The following UBXN4 variants were observed in gnomAD, a reference collection of about 807,000 sequenced individuals.
UBXN4 encodes UBX domain-containing protein 4.
UBXN4 carries 35 observed loss-of-function variants against 66.2 expected under a neutral mutation model. That is an observed-to-expected ratio of 0.53 (90% CI 0.40 to 0.70). UBXN4 has a LOEUF of 0.70. Among genes scored for constraint, UBXN4 ranks in the 30% least tolerant of loss-of-function variants. The pLI is 0.00. For synonymous variants in UBXN4, 203 were observed against 204.5 expected, an observed-to-expected ratio of 0.99 and a Z score of 0.06; for missense variants, 533 against 599.8, an observed-to-expected ratio of 0.89 and a Z score of 1.16.
At chr2:135,764,842 G>A (rs2077337725) in intron 6 of UBXN4, among the ~76,000 whole-genome samples, 1 of 148,968 alleles carries the variant, frequency 6.7e-6, no homozygotes, top group East Asian at 2.0e-4. Context: ...TTGAGATGAA[G>A]TCTGGCTCTG....
intron 9 of UBXN4, 79 bp downstream of exon 9, chr2:135,772,626 T>C: frequency 6.4e-7 from 1 of 1,567,908 alleles, no homozygotes; most frequent in South Asian, 1.1e-5. Flanking sequence ...TTAACACTGA[T>C]GTATACTGTG....
At chr2:135,764,668 A>C (rs920064642) in intron 6 of UBXN4, among the ~76,000 whole-genome samples, 2 of 152,028 alleles carry the variant, frequency 1.3e-5, no homozygotes, top group South Asian at 2.1e-4. Flanking sequence ...ACACCCGGCT[A>C]ATTTTTAAAA....
intron 6 of UBXN4, among the ~76,000 whole-genome samples, chr2:135,765,248 C>T (rs1482121486): frequency 1.3e-5 from 2 of 149,424 alleles, no homozygotes; most frequent in Middle Eastern, 3.2e-3. Context: ...TTGCTCTTGT[C>T]GCCCAAGCTG....
intron 6 of UBXN4, among the ~76,000 whole-genome samples, chr2:135,765,843 G>A (rs1338529033): frequency 6.6e-6 from 1 of 151,824 alleles, no homozygotes; most frequent in Non-Finnish European, 1.5e-5. Flanking sequence ...ACCCAAGCAG[G>A]CATAGTGACC....
chr2:135,778,195 A>AAAACCCAAAAAACAAAAAT (rs2077429893), intron 10 of UBXN4, among the ~76,000 whole-genome samples: 1 of 151,774 alleles, frequency 6.6e-6, no homozygotes, highest in Non-Finnish European at 1.5e-5. Flanking sequence ...AAAACAAAAA[A>AAAACCCAAAAAACAAAAAT]AAACCCAAAA....
chr2:135,770,521 T>C, intron 7 of UBXN4, 50 bp from the exon 8 acceptor site: 1 of 1,244,422 alleles, frequency 8.0e-7, no homozygotes, highest in Non-Finnish European at 1.1e-6. Context: ...AAATAATATC[T>C]GGGGCAGATT....
At position 135,747,728 on chromosome 2, in the gene UBXN4, G is replaced by A. The variant is rs559050111; in HGVS notation, c.83-539G>A. 464 of 455,746 alleles carry A rather than the reference G, an allele frequency of 1.0e-3. 1 individual carries two copies. The highest frequency in any genetic ancestry group is 8.6e-3 in the African/African-American group (431 of 50,126). The allele number at this position is 455,746 out of a possible 1,614,324, so 28.2% of individuals were successfully genotyped here. Reference sequence around the variant, plus strand: ...CCGCTCACTGCAACTTCCACCTTCCGAGTGCAAGCAATTCTCCTGCCTCAG... The same window carrying A: ...CCGCTCACTGCAACTTCCACCTTCCAAGTGCAAGCAATTCTCCTGCCTCAG... On this transcript the variant is annotated intron_variant, in intron 1 of 12. Transcript: ENST00000272638.
At chr2:135,782,252 T>C (rs1273512177) in intron 12 of UBXN4, among the ~76,000 whole-genome samples, 1 of 152,246 alleles carries the variant, frequency 6.6e-6, no homozygotes, top group Non-Finnish European at 1.5e-5. Context: ...TTTATCCTTA[T>C]ACCTTTGTAT....
Position 135,749,044 on chromosome 2 carries a change from A to G in UBXN4, c.185+675A>G, listed in dbSNP as rs187382810. On this transcript the variant is annotated intron_variant, in intron 2 of 12. Transcript: ENST00000272638. Reference sequence around the variant, plus strand: ...GCGAGAGAGCAAGACTATCTCAAAAAAAAAAAAAGAATGTTTATGCTATGT... The same window carrying G: ...GCGAGAGAGCAAGACTATCTCAAAAGAAAAAAAAGAATGTTTATGCTATGT... 1.1e-4 allele frequency among the ~76,000 whole-genome samples: 16 copies of G among 152,252 alleles called. No individual in the cohort carries two copies. The East Asian group carries it at 2.3e-3, about 22-fold the overall frequency.
At chr2:135,773,057 AAG>A (rs2077393357) in intron 9 of UBXN4, among the ~76,000 whole-genome samples, 1 of 151,646 alleles carries the variant, frequency 6.6e-6, no homozygotes, top group Non-Finnish European at 1.5e-5. Context: ...AAAAAAAAAA[AAG>A]AGGGCCCAAT....
Position 135,741,857 on chromosome 2 carries a change from A to AG in UBXN4, c.-72dup. ...TTGCGGGGGCCGCAGAGCCGGACGA[A>AG]GACGGAGGGCGGAGCCGGCTTCGGG... On this transcript the variant is annotated 5_prime_UTR_variant, in exon 1 of 13. Coordinates refer to ENST00000272638, the MANE Select transcript of UBXN4 (RefSeq NM_014607.4). 6.6e-7 allele frequency: 1 copy of AG among 1,521,712 alleles called. No homozygotes were observed. Among genetic ancestry groups the AG allele is most frequent in the Non-Finnish European group, 8.9e-7 (1 of 1,125,030 alleles). The allele number at this position is 1,521,712 out of a possible 1,614,324, so 94.3% of individuals were successfully genotyped here.
chr2:135,773,941 G>A (rs542224344), intron 9 of UBXN4, among the ~76,000 whole-genome samples: 28 of 152,336 alleles, frequency 1.8e-4, no homozygotes, highest in Admixed American at 1.2e-3. Flanking sequence ...TTGTTAAGAT[G>A]ATAATCCTCC....
chr2:135,760,154 A>G (rs1257842525), intron 5 of UBXN4, among the ~76,000 whole-genome samples: 3 of 152,150 alleles, frequency 2.0e-5, no homozygotes, highest in Admixed American at 6.5e-5. Context: ...AAAGTTACAC[A>G]TGGGCCAGGT....
chr2:135,776,221 T>C (rs2077413645), intron 9 of UBXN4, 28 bp from the exon 10 acceptor site: 8 of 1,569,726 alleles, frequency 5.1e-6, no homozygotes, highest in Non-Finnish European at 7.0e-6. Flanking sequence ...GAGGTGAAGA[T>C]TGTGACTTTA....
At chr2:135,776,015 C>G (rs112498679) in intron 9 of UBXN4, among the ~76,000 whole-genome samples, 4,120 of 152,272 alleles carry the variant, frequency 0.027, 199 homozygotes, top group African/African-American at 0.095. Context: ...GTGATCCGCC[C>G]GCCTTGGCCT....
chr2:135,779,884 ATATAT>A (rs960863989), intron 11 of UBXN4, among the ~76,000 whole-genome samples: 89 of 37,566 alleles, frequency 2.4e-3, no homozygotes, highest in African/African-American at 3.3e-3. Flanking sequence ...TATAATTATA[ATATAT>A]TATATAAAAT....
At chr2:135,773,134 G>A (rs1226378356) in intron 9 of UBXN4, among the ~76,000 whole-genome samples, 2 of 151,100 alleles carry the variant, frequency 1.3e-5, no homozygotes, top group African/African-American at 2.4e-5. Context: ...TATCTCATAC[G>A]TATTAGGATT....
rs1343485974 is a variant in UBXN4, at chr2:135,748,313, T to A, written c.129T>A (p.Asp43Glu). The change falls in exon 2 of 13, where the codon GAT becomes GAA. Residue 43 changes from aspartate (D) to glutamate (E), a missense_variant. Physicochemically the swap from Asp to Glu is conservative, Grantham distance 45. Coordinates refer to ENST00000272638, the MANE Select transcript of UBXN4 (RefSeq NM_014607.4). ...AGATGGCTGCAAGTTGGGAAGATGA[T>A]AAAGTTACAGAAGCATCTTCAAACA... The part of the protein sequence containing the change: ...STQMAASWED[D>E]KVTEASSNSF... 7 of 1,607,538 alleles carry A rather than the reference T, an allele frequency of 4.4e-6. No homozygotes were observed. Among genetic ancestry groups the A allele is most frequent in the South Asian group, 1.1e-5 (1 of 89,538 alleles).
chr2:135,771,569 T>C (rs1301276663), intron 8 of UBXN4, among the ~76,000 whole-genome samples: 1 of 152,210 alleles, frequency 6.6e-6, no homozygotes, highest in Non-Finnish European at 1.5e-5. Context: ...ATTTATTATT[T>C]ATTTATTTTT....
Sources: allele counts gnomAD v4.1 joint callset (sites outside exome capture counted in the v4.1 genomes callset), GRCh38; gene constraint gnomAD v4.1.1; transcripts MANE v1.5; gene names NCBI Gene and HGNC (gene_info 2026-07-23, HGNC 2026-07-21).